NR3C2: variants seen among roughly 807,000 people sequenced by gnomAD.
The protein encoded by NR3C2 is mineralocorticoid receptor.
A neutral mutation model predicts 86.4 loss-of-function variants in NR3C2; 15 were observed. That is an observed-to-expected ratio of 0.17 (90% CI 0.12 to 0.27). The LOEUF is 0.27. Among genes scored for constraint, NR3C2 ranks in the 10% least tolerant of loss-of-function variants. NR3C2 has a pLI of 1.00. For missense variants in NR3C2, 960 were observed against 1,195.6 expected, an observed-to-expected ratio of 0.80 and a Z score of 2.91; for synonymous variants, 458 against 450.5, an observed-to-expected ratio of 1.02 and a Z score of -0.21.
chr4:148,080,066 T>C lies in NR3C2; in HGVS notation c.*1278A>G, dbSNP rs61763140. The C allele has an allele frequency of 2.6e-5, 4 of 152,244 alleles. No individual in the cohort carries two copies. Among genetic ancestry groups the C allele is most frequent in the Non-Finnish European group, 5.9e-5 (4 of 68,042 alleles). 9.4% of individuals were successfully genotyped at this position (152,244 alleles called of 1,614,324 possible). A position where few individuals can be genotyped will look rare whatever the true frequency, so the allele number is the denominator to read the frequency against. On this transcript the variant is annotated 3_prime_UTR_variant, in exon 9 of 9. Coordinates refer to ENST00000358102, the MANE Select transcript of NR3C2 (RefSeq NM_000901.5). ...CCAGTCTCACTCTCGTAGAGCTGGTTCTGCTTCTAGAGGAAAAGGGAAACG... is the reference window on the plus strand; with the variant it reads ...CCAGTCTCACTCTCGTAGAGCTGGTCCTGCTTCTAGAGGAAAAGGGAAACG...
At chr4:148,265,740 C>T (rs1284293491) in intron 2 of NR3C2, among the ~76,000 whole-genome samples, 20 of 152,188 alleles carry the variant, frequency 1.3e-4, no homozygotes, top group Non-Finnish European at 4.4e-5. Context: ...TCTTAGAGCA[C>T]AGCGAGAATT....
chr4:148,408,063 G>A (rs373367819), intron 2 of NR3C2, among the ~76,000 whole-genome samples: 4 of 152,176 alleles, frequency 2.6e-5, no homozygotes, highest in South Asian at 2.1e-4. Context: ...TGCCTCCTCC[G>A]GCTATTGTGC....
rs1223533617 is a variant in NR3C2, at chr4:148,136,070, A to AAAC, written c.2511-15783_2511-15782insGTT. Among the ~76,000 whole-genome samples the AAAC allele has an allele frequency of 2.8e-3, 376 of 133,466 alleles. 15 individuals carry two copies. Among genetic ancestry groups the AAAC allele is most frequent in the African/African-American group, 0.011 (355 of 33,700 alleles). 87.6% of individuals were successfully genotyped at this position (133,466 alleles called of 152,430 possible). On this transcript the variant is annotated intron_variant, in intron 6 of 8. Transcript: ENST00000358102. ...AGACTCCGTCTCAAAAAAAAAAAAA[A>AAAC]AAAAAACAAAAAAAAAAAACACCAC...
intron 3 of NR3C2, among the ~76,000 whole-genome samples, chr4:148,243,353 G>A (rs1400498181): frequency 1.3e-5 from 2 of 152,022 alleles, no homozygotes; most frequent in African/African-American, 4.8e-5. Flanking sequence ...TTTAACTTTG[G>A]GAAAGAGGGT....
At chr4:148,205,759 T>C (rs2149812441) in intron 3 of NR3C2, among the ~76,000 whole-genome samples, 1 of 152,274 alleles carries the variant, frequency 6.6e-6, no homozygotes, top group Non-Finnish European at 1.5e-5. Context: ...AAGTAACTAT[T>C]TTCGCCTCAG....
intron 2 of NR3C2, among the ~76,000 whole-genome samples, chr4:148,261,207 GCTATGGTAAGCC>G (rs1357919051): frequency 6.6e-6 from 1 of 151,864 alleles, no homozygotes; most frequent in Non-Finnish European, 1.5e-5. Flanking sequence ...TATGGTAAGC[GCTATGGTAAGCC>G]CTATGGTGCA....
chr4:148,206,294 G>A (rs1026789902), intron 3 of NR3C2, among the ~76,000 whole-genome samples: 5 of 152,086 alleles, frequency 3.3e-5, no homozygotes, highest in African/African-American at 7.2e-5. Context: ...AAAAGCCAAC[G>A]CCATCCTAAA....
intron 6 of NR3C2, among the ~76,000 whole-genome samples, chr4:148,143,193 T>G (rs930346583): frequency 1.3e-5 from 2 of 152,260 alleles, no homozygotes; most frequent in Non-Finnish European, 2.9e-5. Flanking sequence ...GCCATCTTCC[T>G]GCACAGAGAA....
intron 2 of NR3C2, among the ~76,000 whole-genome samples, chr4:148,421,666 T>C (rs61758355): frequency 6.5e-4 from 99 of 152,340 alleles, no homozygotes; most frequent in Middle Eastern, 3.4e-3. Flanking sequence ...CCATTAATTT[T>C]AACTTGTTTT....
At chr4:148,364,007 A>C (rs751816659) in intron 2 of NR3C2, among the ~76,000 whole-genome samples, 3 of 152,212 alleles carry the variant, frequency 2.0e-5, no homozygotes, top group Non-Finnish European at 4.4e-5. Context: ...TGCCCTTACA[A>C]TTAGTCTTGA....
chr4:148,351,506 A>T (rs1316353226), intron 2 of NR3C2, among the ~76,000 whole-genome samples: 1 of 152,028 alleles, frequency 6.6e-6, no homozygotes, highest in African/African-American at 2.4e-5. Context: ...ACCATCTATT[A>T]CTTCACCTTT....
At chr4:148,307,533 A>G (rs1579133036) in intron 2 of NR3C2, among the ~76,000 whole-genome samples, 1 of 152,246 alleles carries the variant, frequency 6.6e-6, no homozygotes, top group African/African-American at 2.4e-5. Flanking sequence ...TATCTTTTAT[A>G]TCTAAATCAT....
rs1200868551 is a variant in NR3C2, at chr4:148,355,756, C to A, written c.1757+79348G>T. ...CACTGGGAGGATACTGGCAAGTTAT[C>A]TACTAACAAAGCTCAAAAACAATGT... On this transcript the variant is annotated intron_variant, in intron 2 of 8. Transcript: ENST00000358102. Among the ~76,000 whole-genome samples, 3 of 152,282 alleles carry A rather than the reference C, an allele frequency of 2.0e-5. No individual in the cohort carries two copies. The East Asian group carries it at 5.8e-4, about 29-fold the overall frequency.
chr4:148,145,675 G>T (rs929668813), intron 6 of NR3C2, among the ~76,000 whole-genome samples: 1 of 152,190 alleles, frequency 6.6e-6, no homozygotes, highest in East Asian at 1.9e-4. Context: ...CCACCTGCAG[G>T]GGGGTGCTGC....
chr4:148,316,199 A>G (rs1255029992), intron 2 of NR3C2, among the ~76,000 whole-genome samples: 1 of 151,058 alleles, frequency 6.6e-6, no homozygotes, highest in Non-Finnish European at 1.5e-5. Context: ...CTTATATGCA[A>G]TGTGTTAGTA....
intron 4 of NR3C2, among the ~76,000 whole-genome samples, chr4:148,180,780 G>A (rs1560963556): frequency 6.6e-6 from 1 of 151,916 alleles, no homozygotes; most frequent in African/African-American, 2.4e-5. Flanking sequence ...AATTTTCATG[G>A]CCATAATTTT....
At chr4:148,234,979 C>T (rs1738672841) in intron 3 of NR3C2, among the ~76,000 whole-genome samples, 1 of 151,962 alleles carries the variant, frequency 6.6e-6, no homozygotes, top group African/African-American at 2.4e-5. Context: ...ATGTTTTGCA[C>T]TAAACTATAC....
chr4:148,354,661 C>A (rs1371260099), intron 2 of NR3C2, among the ~76,000 whole-genome samples: 3 of 151,968 alleles, frequency 2.0e-5, no homozygotes, highest in Non-Finnish European at 4.4e-5. Context: ...ATAACAAGAT[C>A]CTGATACAAA....
At position 148,421,486 on chromosome 4, in the gene NR3C2, A is replaced by T. The variant is rs61758354; in HGVS notation, c.1757+13618T>A. Among the ~76,000 whole-genome samples, 599 of 152,324 alleles carry T rather than the reference A, an allele frequency of 3.9e-3. 3 individuals are homozygous for T. The highest frequency in any genetic ancestry group is 6.1e-3 in the Non-Finnish European group (412 of 68,028). On this transcript the variant is annotated intron_variant, in intron 2 of 8. Coordinates refer to ENST00000358102, the MANE Select transcript of NR3C2 (RefSeq NM_000901.5). The stretch of plus-strand genomic sequence containing the variant: ...TCCCCTTTTAAAGACGAGTAACTGA[A>T]ATATCAAAAGTATCACAACATTCTA...
Sources: allele counts gnomAD v4.1 joint callset (sites outside exome capture counted in the v4.1 genomes callset), GRCh38; gene constraint gnomAD v4.1.1; transcripts MANE v1.5; gene names NCBI Gene and HGNC (gene_info 2026-07-23, HGNC 2026-07-21).